FCHSD2: variants seen among roughly 807,000 people sequenced by gnomAD.
FCHSD2 encodes FCH and double SH3 domains 2.
Under a neutral mutation model 108.1 loss-of-function variants are expected in FCHSD2, and 38 were observed. The observed-to-expected ratio is 0.35, with a 90% CI of 0.27 to 0.46. The LOEUF (loss-of-function observed/expected upper bound fraction) is 0.46. FCHSD2 is among the 20% of genes least tolerant of loss of function. The pLI, the probability that FCHSD2 is intolerant of heterozygous loss-of-function variation, is 1.00. For synonymous variants in FCHSD2, 279 were observed against 314.7 expected, an observed-to-expected ratio of 0.89 and a Z score of 1.20; for missense variants, 751 against 897.8, an observed-to-expected ratio of 0.84 and a Z score of 2.09.
At position 73,026,891 on chromosome 11, in the gene FCHSD2, G is replaced by C. The variant is rs1848867672; in HGVS notation, c.166-11006C>G. Among the ~76,000 whole-genome samples, 2 of 152,112 alleles carry C rather than the reference G, an allele frequency of 1.3e-5. 1 individual carries two copies. Among genetic ancestry groups the C allele is most frequent in the South Asian group, 4.1e-4 (2 of 4,822 alleles). ...CCTGCGACCATGTAAGACATGCCTT[G>C]CTTTCCCTTTGCCTTCTACCATGAT... On this transcript the variant is annotated intron_variant, in intron 3 of 19. Coordinates refer to ENST00000409418, the MANE Select transcript of FCHSD2 (RefSeq NM_014824.3).
At chr11:72,919,204 T>A (rs1355771163) in intron 9 of FCHSD2, among the ~76,000 whole-genome samples, 2 of 152,156 alleles carry the variant, frequency 1.3e-5, no homozygotes, top group African/African-American at 4.8e-5. Context: ...AAGCTCTTCA[T>A]AACAGAAAAA....
At chr11:73,128,929 T>C (rs1397025600) in intron 2 of FCHSD2, among the ~76,000 whole-genome samples, 29 of 152,192 alleles carry the variant, frequency 1.9e-4, no homozygotes, top group Non-Finnish European at 1.5e-5. Context: ...TGGAGTGTAG[T>C]GGTGTGATCT....
intron 19 of FCHSD2, among the ~76,000 whole-genome samples, chr11:72,840,576 G>C (rs994011561): frequency 6.6e-6 from 1 of 152,176 alleles, no homozygotes; most frequent in Admixed American, 6.5e-5. Context: ...TGAAAAAAGT[G>C]TTTCACAATT....
intron 2 of FCHSD2, among the ~76,000 whole-genome samples, chr11:73,131,435 A>G (rs1860998926): frequency 6.6e-6 from 1 of 152,036 alleles, no homozygotes; most frequent in Non-Finnish European, 1.5e-5. Flanking sequence ...AGGCTGAGGC[A>G]GGAGAATGGC....
chr11:73,117,691 A>G (rs1038418044), intron 2 of FCHSD2, among the ~76,000 whole-genome samples: 1 of 152,234 alleles, frequency 6.6e-6, no homozygotes, highest in Admixed American at 6.5e-5. Context: ...AAATTTTTCA[A>G]TCACATTGTA....
intron 3 of FCHSD2, among the ~76,000 whole-genome samples, chr11:73,041,155 T>C (rs750968277): frequency 6.6e-6 from 1 of 152,234 alleles, no homozygotes; most frequent in Admixed American, 6.5e-5. Flanking sequence ...GTTGATTCCA[T>C]AACTTGGCTA....
Position 72,955,620 on chromosome 11 carries a change from AAG to A in FCHSD2, c.705+28466_705+28467del, listed in dbSNP as rs143940649. Reference sequence around the variant, plus strand: ...TCCTGACGCTATTCAGGAGCCCACTAAGAGTTACTTCATTAAGACAAGATTCT... The same window carrying A: ...TCCTGACGCTATTCAGGAGCCCACTAAGTTACTTCATTAAGACAAGATTCT... On this transcript the variant is annotated intron_variant, in intron 8 of 19. Coordinates refer to ENST00000409418, the MANE Select transcript of FCHSD2 (RefSeq NM_014824.3). Among the ~76,000 whole-genome samples the A allele has an allele frequency of 4.8e-3, 729 of 152,272 alleles. 1 individual carries two copies. Among genetic ancestry groups the A allele is most frequent in the African/African-American group, 0.017 (707 of 41,554 alleles).
chr11:72,998,166 G>C (rs942104451), intron 5 of FCHSD2, among the ~76,000 whole-genome samples: 1 of 152,202 alleles, frequency 6.6e-6, no homozygotes. Context: ...TCATAAATGA[G>C]AGTTAAATGG....
chr11:72,884,185 A>G (rs1471835881), intron 12 of FCHSD2, among the ~76,000 whole-genome samples: 2 of 152,282 alleles, frequency 1.3e-5, no homozygotes, highest in African/African-American at 4.8e-5. Flanking sequence ...ATTTCTGCCT[A>G]AAACACTAAC....
At chr11:72,921,549 A>G (rs1412234520) in intron 9 of FCHSD2, among the ~76,000 whole-genome samples, 1 of 152,190 alleles carries the variant, frequency 6.6e-6, no homozygotes, top group Non-Finnish European at 1.5e-5. Context: ...AGAATACAAA[A>G]CTGTTTAAAC....
intron 4 of FCHSD2, among the ~76,000 whole-genome samples, chr11:73,013,272 G>T (rs1177469913): frequency 1.3e-5 from 2 of 152,176 alleles, no homozygotes; most frequent in Non-Finnish European, 2.9e-5. Context: ...ATGCCTGGAA[G>T]GGGTTATTTT....
intron 10 of FCHSD2, among the ~76,000 whole-genome samples, chr11:72,892,669 A>ATC (rs1432222835): frequency 6.6e-6 from 1 of 152,104 alleles, no homozygotes. Flanking sequence ...CAGTGGCATG[A>ATC]TCTCAGCTCA....
chr11:73,087,791 A>C (rs1859859100), intron 2 of FCHSD2, among the ~76,000 whole-genome samples: 1 of 152,190 alleles, frequency 6.6e-6, no homozygotes, highest in Non-Finnish European at 1.5e-5. Flanking sequence ...AGTATACATT[A>C]GTTTCCTAGG....
At chr11:72,980,697 AATGT>A (rs1011114065) in intron 8 of FCHSD2, among the ~76,000 whole-genome samples, 2 of 134,446 alleles carry the variant, frequency 1.5e-5, no homozygotes, top group African/African-American at 3.1e-5. Flanking sequence ...ATATATATAT[AATGT>A]ATGTATGTAT....
intron 10 of FCHSD2, among the ~76,000 whole-genome samples, 158 bp downstream of exon 10, chr11:72,902,385 G>GA (rs992542895): frequency 1.3e-5 from 2 of 150,644 alleles, no homozygotes; most frequent in Non-Finnish European, 3.0e-5. Context: ...CCACAATTCA[G>GA]AAAAAAAAAG....
chr11:72,904,870 T>C (rs911475886), intron 9 of FCHSD2, among the ~76,000 whole-genome samples: 10 of 152,252 alleles, frequency 6.6e-5, no homozygotes, highest in Non-Finnish European at 1.3e-4. Context: ...TTTCCTGTAG[T>C]CTGGGAAGAA....
In FCHSD2 at chr11:72,844,559, T is replaced by G. The variant is rs1415692698; in HGVS notation, c.1444-1027A>C. 3.3e-5 allele frequency among the ~76,000 whole-genome samples: 5 copies of G among 152,158 alleles called. No individual in the cohort carries two copies. In the East Asian group the frequency reaches 9.6e-4, roughly 29 times the overall value. On this transcript the variant is annotated intron_variant, in intron 14 of 19. Transcript: ENST00000409418. The stretch of plus-strand genomic sequence containing the variant: ...GAGACTGCCAAATCTGTAAACGCTC[T>G]GAGGCTCCACAGAGGGGCTGGAAAG...
intron 2 of FCHSD2, among the ~76,000 whole-genome samples, chr11:73,099,472 C>T (rs760050867): frequency 7.2e-5 from 11 of 152,044 alleles, no homozygotes; most frequent in Non-Finnish European, 1.5e-4. Flanking sequence ...AAAACAAATG[C>T]TAAACAAAAA....
At chr11:72,883,966 CATA>C (rs1259033754) in intron 12 of FCHSD2, among the ~76,000 whole-genome samples, 5 of 150,664 alleles carry the variant, frequency 3.3e-5, no homozygotes, top group African/African-American at 1.2e-4. Flanking sequence ...TTAATGAGGT[CATA>C]ATAATACCCA....
Sources: allele counts gnomAD v4.1 joint callset (sites outside exome capture counted in the v4.1 genomes callset), GRCh38; gene constraint gnomAD v4.1.1; transcripts MANE v1.5; gene names NCBI Gene and HGNC (gene_info 2026-07-23, HGNC 2026-07-21).